Variants in TANC2 observed in about 807,000 individuals in gnomAD.
TANC2 encodes the protein protein TANC2.
Under a neutral mutation model 210.5 loss-of-function variants are expected in TANC2, and 26 were observed. That is an observed-to-expected ratio of 0.12 (90% CI 0.09 to 0.17). TANC2 has a LOEUF of 0.17. Among genes scored for constraint, TANC2 ranks in the 10% least tolerant of loss-of-function variants. The probability of loss-of-function intolerance (pLI) is 1.00; values close to 1 mark genes in which losing one functional copy is unlikely to be tolerated. For synonymous variants in TANC2, 931 were observed against 967.1 expected, an observed-to-expected ratio of 0.96 and a Z score of 0.69; for missense variants, 2,129 against 2,608.9, an observed-to-expected ratio of 0.82 and a Z score of 4.01.
intron 5 of TANC2, among the ~76,000 whole-genome samples, chr17:63,188,168 T>C (rs1355322545): frequency 2.6e-5 from 4 of 151,608 alleles, no homozygotes; most frequent in African/African-American, 9.7e-5. Context: ...TCTGACAAAA[T>C]CAGGCTGGCC....
chr17:63,298,487 A>C (rs1037771248), intron 9 of TANC2, among the ~76,000 whole-genome samples: 4 of 152,232 alleles, frequency 2.6e-5, no homozygotes, highest in African/African-American at 4.8e-5. Flanking sequence ...AAGGAAATCC[A>C]CAGACACAGA....
chr17:63,002,478 T>C (rs1407957420), intron 1 of TANC2, among the ~76,000 whole-genome samples: 1 of 152,266 alleles, frequency 6.6e-6, no homozygotes, highest in Non-Finnish European at 1.5e-5. Flanking sequence ...TTTTGATGCA[T>C]TTCAAAGTAA....
intron 8 of TANC2, among the ~76,000 whole-genome samples, chr17:63,257,074 A>AT (rs58464562): frequency 0.15 from 18,359 of 125,940 alleles, 1,853 homozygotes; most frequent in African/African-American, 0.29. Context: ...GTTGGTTGGT[A>AT]TTTTTTTTTT....
chr17:63,417,937 C>T (rs576636300), intron 26 of TANC2, among the ~76,000 whole-genome samples: 8 of 152,256 alleles, frequency 5.3e-5, no homozygotes, highest in Admixed American at 3.9e-4. Flanking sequence ...CCAGGGTCCA[C>T]GTGAAATGTG....
chr17:63,042,521 T>C (rs2035228348), intron 2 of TANC2, among the ~76,000 whole-genome samples: 3 of 152,140 alleles, frequency 2.0e-5, no homozygotes, highest in Non-Finnish European at 4.4e-5. Context: ...ATTTAAGATA[T>C]CTTTTGTTGA....
At chr17:63,347,090 CAT>C (rs1209096847) in intron 12 of TANC2, among the ~76,000 whole-genome samples, 2 of 152,164 alleles carry the variant, frequency 1.3e-5, no homozygotes, top group East Asian at 1.9e-4. Flanking sequence ...GAAATGAAAA[CAT>C]ATGTCTACAA....
intron 5 of TANC2, among the ~76,000 whole-genome samples, chr17:63,165,537 G>A (rs1440773713): frequency 6.6e-6 from 1 of 152,106 alleles, no homozygotes; most frequent in Non-Finnish European, 1.5e-5. Context: ...CCATTACCCG[G>A]TCTGTACTGC....
chr17:63,315,255 A>G (rs1863708048), intron 10 of TANC2, among the ~76,000 whole-genome samples: 1 of 152,234 alleles, frequency 6.6e-6, no homozygotes, highest in African/African-American at 2.4e-5. Context: ...CTCATATGGT[A>G]CTTACTATGT....
At chr17:63,346,262 C>T (rs1266664887) in intron 12 of TANC2, among the ~76,000 whole-genome samples, 1 of 152,076 alleles carries the variant, frequency 6.6e-6, no homozygotes, top group Non-Finnish European at 1.5e-5. Context: ...AAAATGATGA[C>T]AAATTAGACT....
chr17:63,090,415 A>G (rs916000967), intron 3 of TANC2, among the ~76,000 whole-genome samples: 1 of 151,170 alleles, frequency 6.6e-6, no homozygotes, highest in African/African-American at 2.4e-5. Context: ...TCCTGTGTCC[A>G]TGTGTTCTCA....
At chr17:63,209,365 A>G (rs2041818813) in intron 7 of TANC2, among the ~76,000 whole-genome samples, 1 of 150,950 alleles carries the variant, frequency 6.6e-6, no homozygotes, top group Non-Finnish European at 1.5e-5. Flanking sequence ...ACATTGAATT[A>G]TAGTGATGGA....
At chr17:63,361,868 C>T (rs2146954290) in intron 14 of TANC2, among the ~76,000 whole-genome samples, 1 of 152,340 alleles carries the variant, frequency 6.6e-6, no homozygotes, top group South Asian at 2.1e-4. Flanking sequence ...GTGGGAAGCT[C>T]CTTTCCACAA....
chr17:63,137,732 G>A (rs1225032222), intron 4 of TANC2, among the ~76,000 whole-genome samples: 1 of 152,062 alleles, frequency 6.6e-6, no homozygotes, highest in Admixed American at 6.6e-5. Flanking sequence ...TCATATGCCA[G>A]ATACTATTCT....
At chr17:63,376,066 G>A (rs2047414819) in intron 14 of TANC2, among the ~76,000 whole-genome samples, 1 of 152,050 alleles carries the variant, frequency 6.6e-6, no homozygotes. Context: ...CAGCCTGGGT[G>A]ACAGAGCGAG....
At chr17:63,200,355 C>CAAAAA (rs10598629) in intron 6 of TANC2, among the ~76,000 whole-genome samples, 4 of 93,802 alleles carry the variant, frequency 4.3e-5, no homozygotes, top group Non-Finnish European at 8.5e-5. Flanking sequence ...AACTCTGTCT[C>CAAAAA]AAAAAAAAAA....
At chr17:63,007,448 A>T (rs891409847) in intron 1 of TANC2, among the ~76,000 whole-genome samples, 1 of 152,166 alleles carries the variant, frequency 6.6e-6, no homozygotes, top group Non-Finnish European at 1.5e-5. Flanking sequence ...AGTGTTGAAC[A>T]TAGTAATGGA....
intron 9 of TANC2, among the ~76,000 whole-genome samples, chr17:63,307,312 T>C (rs2044950273): frequency 6.6e-6 from 1 of 152,226 alleles, no homozygotes; most frequent in Non-Finnish European, 1.5e-5. Flanking sequence ...GGACCCTTTC[T>C]TTTCTAGAAA....
chr17:63,176,026 CTA>C (rs945488163), intron 5 of TANC2, among the ~76,000 whole-genome samples: 6 of 152,148 alleles, frequency 3.9e-5, no homozygotes, highest in African/African-American at 1.4e-4. Context: ...ATTAGTATAA[CTA>C]AAATTAAAAA....
intron 8 of TANC2, among the ~76,000 whole-genome samples, chr17:63,245,498 A>T (rs1295466007): frequency 6.6e-6 from 1 of 152,140 alleles, no homozygotes; most frequent in Non-Finnish European, 1.5e-5. Flanking sequence ...ACTTGAGGTC[A>T]GGAGTTCGAG....
Sources: allele counts gnomAD v4.1 joint callset (sites outside exome capture counted in the v4.1 genomes callset), GRCh38; gene constraint gnomAD v4.1.1; transcripts MANE v1.5; gene names NCBI Gene and HGNC (gene_info 2026-07-23, HGNC 2026-07-21).